QPCT: variants seen among roughly 807,000 people sequenced by gnomAD.
QPCT encodes the protein glutaminyl-peptide cyclotransferase, also known as EC.
QPCT carries 44 observed loss-of-function variants against 43.4 expected under a neutral mutation model. That is an observed-to-expected ratio of 1.01 (90% CI 0.80 to 1.30). QPCT has a LOEUF of 1.30. Ranked by LOEUF, QPCT falls within the 50% of genes most tolerant of loss-of-function variation. The probability of loss-of-function intolerance (pLI) is 0.00; values close to 1 mark genes in which losing one functional copy is unlikely to be tolerated. For synonymous variants in QPCT, 168 were observed against 168.4 expected (o/e 1.00, Z 0.02); for missense variants, 526 against 436.5 (o/e 1.21, Z -1.83).
intron 1 of QPCT, 99 bp from the exon 2 acceptor site, chr2:37,352,690 C>A: frequency 7.1e-7 from 1 of 1,408,998 alleles, no homozygotes; most frequent in Non-Finnish European, 9.8e-7. Context: ...ATAAAGTTCT[C>A]CCTTATTTTG....
In QPCT at chr2:37,359,912, A is replaced by G. The variant is rs1572733705; in HGVS notation, c.546+54A>G. On this transcript the variant is annotated intron_variant, in intron 3 of 6. Transcript: ENST00000338415. The stretch of plus-strand genomic sequence containing the variant: ...GGATAAAGTACATTAACAGTAACTC[A>G]GAGTGAATTCTAGAATCCTTGGAGG... The G allele has an allele frequency of 1.9e-6, 3 of 1,545,406 alleles. No individual in the cohort carries two copies. The East Asian group carries it at 6.8e-5, about 35-fold the overall frequency.
intron 1 of QPCT, among the ~76,000 whole-genome samples, chr2:37,352,464 C>G (rs527311027): frequency 6.6e-6 from 1 of 152,074 alleles, no homozygotes; most frequent in African/African-American, 2.4e-5. Flanking sequence ...GCTAGAACAA[C>G]GGGCATGCAC....
rs1428983462 is a variant in QPCT at position 37,366,797 on chromosome 2, C to T, written c.547-435C>T. Among the ~76,000 whole-genome samples the T allele has an allele frequency of 3.3e-5, 5 of 152,164 alleles. No individual in the cohort carries two copies. The East Asian group carries it at 9.6e-4, about 29-fold the overall frequency. On this transcript the variant is annotated intron_variant, in intron 3 of 6. Transcript: ENST00000338415. ...AGATATGATGGCTCTTTAGAGAGCC[C>T]CCCGTACCCGTGTAGGTCAGCACTG... is the stretch of plus-strand genomic sequence containing the variant.
In QPCT at chr2:37,359,770, T is replaced by A. The variant is rs767541221; in HGVS notation, c.458T>A (p.Val153Glu). Residue 153 changes from valine (V) to glutamate (E), a missense_variant, in exon 3 of 7, where the codon GTG (valine) becomes GAG (glutamate). Physicochemically the swap from Val to Glu is moderately radical, Grantham distance 121. Transcript: ENST00000338415. ...TATTTTTCCCACTGGAACAACAGAG[T>A]GTTTGTAGGAGCCACTGATTCAGCC... ...SKYFSHWNNRVFVGATDSAVP... is the reference protein window; with the variant it reads ...SKYFSHWNNREFVGATDSAVP... 5.0e-6 allele frequency: 8 copies of A among 1,613,868 alleles called. No individual in the cohort carries two copies. The African/African-American group carries it at 1.1e-4, about 22-fold the overall frequency.
intron 3 of QPCT, among the ~76,000 whole-genome samples, chr2:37,364,888 G>T (rs1400386816): frequency 6.6e-6 from 1 of 151,402 alleles, no homozygotes; most frequent in Non-Finnish European, 1.5e-5. Context: ...ACATGTATGT[G>T]TGTGTTGTGT....
chr2:37,372,804 G>C lies in QPCT; in HGVS notation c.1063G>C (p.Val355Leu). The change falls in exon 7 of 7, where the codon GTG (valine) becomes CTG (leucine). Residue 355 changes from valine (V) to leucine (L), a missense_variant. Val to Leu is a conservative substitution (Grantham distance 32). Coordinates refer to ENST00000338415, the MANE Select transcript of QPCT (RefSeq NM_012413.4). ...DNLNKILQVFVLEYLHL is the reference protein window; with the variant it reads ...DNLNKILQVFLLEYLHL The stretch of plus-strand genomic sequence containing the variant: ...TCTAAACAAAATCCTACAAGTCTTT[G>C]TGTTGGAATATCTTCATTTGTAATA... 1.2e-6 allele frequency: 2 copies of C among 1,611,082 alleles called. No homozygotes were observed. Among genetic ancestry groups the C allele is most frequent in the Non-Finnish European group, 1.7e-6 (2 of 1,178,374 alleles).
intron 1 of QPCT, among the ~76,000 whole-genome samples, chr2:37,349,678 C>T (rs575494349): frequency 2.0e-5 from 3 of 152,136 alleles, no homozygotes. Context: ...AGCTCTTCAT[C>T]GTCAGAAGCA....
chr2:37,350,657 C>G (rs1672600343), intron 1 of QPCT, among the ~76,000 whole-genome samples: 1 of 152,178 alleles, frequency 6.6e-6, no homozygotes, highest in Admixed American at 6.5e-5. Flanking sequence ...ACCTGTAACT[C>G]TCCTTCAACC....
Position 37,360,043 on chromosome 2 carries a change from G to T in QPCT, c.546+185G>T, listed in dbSNP as rs1672831420. 4 of 650,152 alleles carry T rather than the reference G, an allele frequency of 6.2e-6. No homozygotes were observed. The South Asian group carries it at 8.2e-5, about 13-fold the overall frequency. 40.3% of individuals were successfully genotyped at this position (650,152 alleles called of 1,614,324 possible). On this transcript the variant is annotated intron_variant, in intron 3 of 6. Coordinates refer to ENST00000338415, the MANE Select transcript of QPCT (RefSeq NM_012413.4). Reference sequence around the variant, plus strand: ...TATCAACCATGGGCAATAAACCTAAGATACGTGACAATGCATTCATTAATT... The same window carrying T: ...TATCAACCATGGGCAATAAACCTAATATACGTGACAATGCATTCATTAATT...
At position 37,359,630 on chromosome 2, in the gene QPCT, A is replaced by T; in HGVS notation, c.318A>T (p.Ile106=). The T allele has an allele frequency of 6.2e-7, 1 of 1,614,192 alleles. No individual in the cohort carries two copies. Among genetic ancestry groups the T allele is most frequent in the Non-Finnish European group, 8.5e-7 (1 of 1,180,024 alleles). The change falls in exon 3 of 7, where the codon ATA becomes ATT. Residue 106 remains isoleucine, a synonymous_variant. Coordinates refer to ENST00000338415, the MANE Select transcript of QPCT (RefSeq NM_012413.4). ...QRLQADWVLE[I]DTFLSQTPYG... ...TTCAGGCTGACTGGGTCTTGGAAAT[A>T]GACACCTTCTTGAGTCAGACACCCT...
At chr2:37,348,993 A>G (rs3770752) in intron 1 of QPCT, among the ~76,000 whole-genome samples, 39,537 of 152,088 alleles carry the variant, frequency 0.26, 6,469 homozygotes, top group Non-Finnish European at 0.35. Flanking sequence ...CTAAATTTGT[A>G]TATCTATTGA....
At chr2:37,364,455 A>C (rs944665797) in intron 3 of QPCT, among the ~76,000 whole-genome samples, 4 of 152,238 alleles carry the variant, frequency 2.6e-5, no homozygotes, top group African/African-American at 9.6e-5. Context: ...AACCAGACAG[A>C]CATGAGAAAT....
At chr2:37,346,349 C>T (rs1291474288) in intron 1 of QPCT, among the ~76,000 whole-genome samples, 2 of 152,194 alleles carry the variant, frequency 1.3e-5, no homozygotes, top group East Asian at 3.8e-4. Flanking sequence ...CACAAAAAAT[C>T]CTCTCCTTCT....
At chr2:37,356,712 CA>C (rs1275057334) in intron 2 of QPCT, among the ~76,000 whole-genome samples, 1 of 152,068 alleles carries the variant, frequency 6.6e-6, no homozygotes, top group Non-Finnish European at 1.5e-5. Context: ...TTACACTGAA[CA>C]AAAAAGTTGC....
chr2:37,357,491 A>G (rs72792851), intron 2 of QPCT, among the ~76,000 whole-genome samples: 1 of 152,304 alleles, frequency 6.6e-6, no homozygotes, highest in Non-Finnish European at 1.5e-5. Context: ...ATATTTACTG[A>G]TAGCCTACTG....
At position 37,367,283 on chromosome 2, in the gene QPCT, G is replaced by A; in HGVS notation, c.598G>A (p.Gly200Ser). 1 of 1,613,896 alleles carries A rather than the reference G, an allele frequency of 6.2e-7. No individual in the cohort carries two copies. ...GTCACTCCAGCTGATCTTCTTTGAT[G>A]GTGAAGAGGCTTTTCTTCACTGGTC... ...DLSLQLIFFD[G>S]EEAFLHWSPQ... Residue 200 changes from glycine (G) to serine (S), a missense_variant, in exon 4 of 7, where the codon GGT (glycine) becomes AGT (serine). By Grantham distance (56) the Gly-to-Ser change is moderately conservative. Coordinates refer to ENST00000338415, the MANE Select transcript of QPCT (RefSeq NM_012413.4).
rs1264262830 is a variant in QPCT, at chr2:37,344,805, C to T, written c.74C>T (p.Ala25Val). 14 of 1,608,808 alleles carry T rather than the reference C, an allele frequency of 8.7e-6. No homozygotes were observed. Among genetic ancestry groups the T allele is most frequent in the Non-Finnish European group, 1.2e-5 (14 of 1,178,154 alleles). Reference protein sequence around the residue: ...LLLLVAALPWASRGVSPSASA... With the variant: ...LLLLVAALPWVSRGVSPSASA... ...CTGCTGGTGGCCGCCCTGCCCTGGG[C>T]ATCCAGGGGGGTCAGTCCGAGTGCC... The change falls in exon 1 of 7, where the codon GCA becomes GTA. Residue 25 changes from alanine (A) to valine (V), a missense_variant. Ala to Val is a moderately conservative substitution (Grantham distance 64). Coordinates refer to ENST00000338415, the MANE Select transcript of QPCT (RefSeq NM_012413.4).
At chr2:37,365,821 C>T (rs1409032361) in intron 3 of QPCT, among the ~76,000 whole-genome samples, 1 of 152,096 alleles carries the variant, frequency 6.6e-6, no homozygotes, top group Non-Finnish European at 1.5e-5. Flanking sequence ...ATGTGAAATC[C>T]TAGAAGAGTG....
At chr2:37,372,563 G>A in intron 6 of QPCT, 91 bp downstream of exon 6, 8 of 1,467,356 alleles carry the variant, frequency 5.5e-6, no homozygotes, top group South Asian at 4.6e-5. Context: ...GTACACAGAT[G>A]ATGATGAATT....
Sources: allele counts gnomAD v4.1 joint callset (sites outside exome capture counted in the v4.1 genomes callset), GRCh38; gene constraint gnomAD v4.1.1; transcripts MANE v1.5; gene names NCBI Gene and HGNC (gene_info 2026-07-23, HGNC 2026-07-21).